The following CYP4B1 variants were observed in gnomAD, a reference collection of about 807,000 sequenced individuals.
The protein encoded by CYP4B1 is cytochrome P450 family 4 subfamily B member 1, also known as cytochrome P450 4B1.
In CYP4B1, 45 loss-of-function variants were observed where a neutral mutation model predicts 54.0. The observed-to-expected ratio is 0.83, with a 90% confidence interval of 0.66 to 1.07. The LOEUF (loss-of-function observed/expected upper bound fraction) is 1.07. CYP4B1 is among the 50% of genes least tolerant of loss of function. The pLI, the probability that CYP4B1 is intolerant of heterozygous loss-of-function variation, is 0.00. For missense variants in CYP4B1, 656 were observed against 655.4 expected (o/e 1.00, Z -0.01); for synonymous variants, 248 against 247.5 (o/e 1.00, Z -0.02).
rs575412611 is a variant in CYP4B1, at chr1:46,813,897, C to T, written c.621-12C>T. 6.2e-7 allele frequency: 1 copy of T among 1,613,044 alleles called. No homozygotes were observed. Among genetic ancestry groups the T allele is most frequent in the Non-Finnish European group, 8.5e-7 (1 of 1,179,632 alleles). On this transcript the variant is annotated splice_polypyrimidine_tract_variant and intron_variant, in intron 5 of 11. Transcript: ENST00000371923. ...GTGTCTAAGCCAATCCCTCCTCCTA[C>T]CCTCTGCTTAGCAGGGACAGCAGCT...
chr1:46,810,570 C>G (rs11211366), intron 1 of CYP4B1, among the ~76,000 whole-genome samples: 36,924 of 152,066 alleles, frequency 0.24, 5,208 homozygotes, highest in African/African-American at 0.39. Flanking sequence ...AGGTTGGCTA[C>G]TTTGGGGATG....
intron 1 of CYP4B1, among the ~76,000 whole-genome samples, chr1:46,807,761 AG>A (rs1275797376): frequency 6.6e-6 from 1 of 152,214 alleles, no homozygotes; most frequent in Non-Finnish European, 1.5e-5. Context: ...AGGGCCTAGG[AG>A]GGGAAGAGCC....
chr1:46,816,728 T>A (rs1679347722), intron 8 of CYP4B1, among the ~76,000 whole-genome samples: 1 of 152,198 alleles, frequency 6.6e-6, no homozygotes, highest in Admixed American at 6.5e-5. Flanking sequence ...CTGTCCTTTG[T>A]AGGCTTCCAT....
chr1:46,812,337 T>C (rs2148406174), intron 3 of CYP4B1, 159 bp from the exon 4 acceptor site: 2 of 800,414 alleles, frequency 2.5e-6, no homozygotes, highest in African/African-American at 1.7e-5. Context: ...CCTGAGGTCC[T>C]GGTAGCCTAG....
intron 1 of CYP4B1, among the ~76,000 whole-genome samples, chr1:46,808,040 TG>T (rs2148401063): frequency 6.6e-6 from 1 of 152,226 alleles, no homozygotes; most frequent in East Asian, 1.9e-4. Context: ...CTGCTTCTGG[TG>T]AAACTGCTAT....
intron 1 of CYP4B1, among the ~76,000 whole-genome samples, chr1:46,809,392 T>G (rs1036802809): frequency 5.9e-5 from 9 of 152,242 alleles, no homozygotes; most frequent in Non-Finnish European, 1.2e-4. Flanking sequence ...TTGGACATTT[T>G]TCCCTTCCTA....
chr1:46,817,441 A>G, intron 9 of CYP4B1: 2 of 526,544 alleles, frequency 3.8e-6, no homozygotes, highest in South Asian at 4.5e-5. Context: ...ATGTTCACCA[A>G]GGCTGCCATG....
Position 46,811,148 on chromosome 1 carries a change from G to T in CYP4B1, c.331G>T (p.Ala111Ser). Residue 111 changes from alanine to serine, a missense_variant, in exon 3 of 12, where the codon GCC becomes TCC. Ala to Ser is a moderately conservative substitution (Grantham distance 99, BLOSUM62 1). Transcript: ENST00000371923. ...ATTGTCTCCTCCTGCAGACCCTAAG[G>T]CCCCTGATGTGTATGACTTCTTCCT... ...KAVYSRGDPK[A>S]PDVYDFFLQW... The T allele has an allele frequency of 1.2e-6, 2 of 1,614,168 alleles. No homozygotes were observed. Among genetic ancestry groups the T allele is most frequent in the East Asian group, 2.2e-5 (1 of 44,870 alleles).
At chr1:46,812,054 G>T in intron 3 of CYP4B1, 1 of 418,280 alleles carries the variant, frequency 2.4e-6, no homozygotes. Flanking sequence ...GGTAGGAAGG[G>T]TCCCACCTGA....
chr1:46,806,373 CA>C (rs1407855979), intron 1 of CYP4B1, among the ~76,000 whole-genome samples: 34 of 152,332 alleles, frequency 2.2e-4, no homozygotes, highest in African/African-American at 7.9e-4. Flanking sequence ...ACTGTAGCTG[CA>C]GCACACTGGT....
chr1:46,813,851 T>C (rs1405173460), intron 5 of CYP4B1, 58 bp from the exon 6 acceptor site: 7 of 1,589,406 alleles, frequency 4.4e-6, no homozygotes, highest in Non-Finnish European at 6.0e-6. Context: ...ATGGAGTTTC[T>C]CTGGCTCTGC....
At chr1:46,800,327 CTCTT>C (rs796473001) in intron 1 of CYP4B1, among the ~76,000 whole-genome samples, 2,764 of 105,574 alleles carry the variant, frequency 0.026, 225 homozygotes, top group African/African-American at 0.097. Context: ...TTCTCTCTCT[CTCTT>C]TCTTTCTTTC....
chr1:46,815,413 G>A, intron 8 of CYP4B1, 149 bp downstream of exon 8: 2 of 677,874 alleles, frequency 3.0e-6, no homozygotes, highest in Non-Finnish European at 4.5e-6. Context: ...GTGGGGGGTG[G>A]GGAGAGTGGT....
At chr1:46,810,590 C>A (rs1299413332) in intron 1 of CYP4B1, among the ~76,000 whole-genome samples, 4 of 152,116 alleles carry the variant, frequency 2.6e-5, no homozygotes, top group African/African-American at 9.7e-5. Flanking sequence ...GTTGAGCTAA[C>A]CCCGGTGTGA....
chr1:46,803,855 T>C (rs564741930), intron 1 of CYP4B1, among the ~76,000 whole-genome samples: 174 of 152,206 alleles, frequency 1.1e-3, no homozygotes, highest in African/African-American at 4.0e-3. Context: ...TCCTGGCTAG[T>C]TTTTGGGTGG....
chr1:46,809,201 C>A (rs371490491), intron 1 of CYP4B1, among the ~76,000 whole-genome samples: 2,429 of 106,784 alleles, frequency 0.023, 71 homozygotes, highest in African/African-American at 0.069. Context: ...CAAAACAAAA[C>A]AAAAAAAAGC....
Position 46,819,032 on chromosome 1 carries a change from T to C in CYP4B1, c.*218T>C, listed in dbSNP as rs1679454204. The C allele has an allele frequency of 2.2e-6, 1 of 449,570 alleles. No individual in the cohort carries two copies. Among genetic ancestry groups the C allele is most frequent in the African/African-American group, 2.0e-5 (1 of 50,686 alleles). The allele number at this position is 449,570 out of a possible 1,614,324, so 27.8% of individuals were successfully genotyped here. A position where few individuals can be genotyped will look rare whatever the true frequency, so the allele number is the denominator to read the frequency against. On this transcript the variant is annotated 3_prime_UTR_variant, in exon 12 of 12. Transcript: ENST00000371923. ...ATGCATGTATTCTAGAGCTCATTCA[T>C]TTATTCAACAAACATTTGGTGAGCA...
At chr1:46,801,553 CA>C (rs1344126380) in intron 1 of CYP4B1, among the ~76,000 whole-genome samples, 2 of 152,036 alleles carry the variant, frequency 1.3e-5, no homozygotes, top group African/African-American at 4.8e-5. Context: ...GTTGAGCAGA[CA>C]AAGGCTGGAG....
chr1:46,805,850 G>A (rs1018059180), intron 1 of CYP4B1, among the ~76,000 whole-genome samples: 6 of 152,152 alleles, frequency 3.9e-5, no homozygotes, highest in Non-Finnish European at 8.8e-5. Flanking sequence ...TGGTAATTTT[G>A]GGGTGTGGGG....
Sources: gnomAD v4.1 joint callset for allele counts (sites outside exome capture counted in the v4.1 genomes callset) on GRCh38, gnomAD v4.1.1 for gene constraint, MANE v1.5 for transcripts, NCBI Gene and HGNC (gene_info 2026-07-23, HGNC 2026-07-21) for gene names.